TF: variants seen among roughly 807,000 people sequenced by gnomAD.
The protein encoded by TF is transferrin, also known as serotransferrin.
Under a neutral mutation model 82.4 loss-of-function variants are expected in TF, and 55 were observed. That is an observed-to-expected ratio of 0.67 (90% confidence interval 0.54 to 0.84). The LOEUF (loss-of-function observed/expected upper bound fraction) is 0.84. Among genes scored for constraint, TF ranks in the 40% least tolerant of loss-of-function variants. The probability of loss-of-function intolerance (pLI) is 0.00; values close to 1 mark genes in which losing one functional copy is unlikely to be tolerated. For missense variants in TF, 737 were observed against 868.4 expected (o/e 0.85, Z 1.90); for synonymous variants, 332 against 332.6 (o/e 1.00, Z 0.02).
At chr3:133,728,174 G>A in the TF span, among the ~76,000 whole-genome samples, 1 of 152,074 alleles carries the variant, frequency 6.6e-6, no homozygotes, top group African/African-American at 2.4e-5. Context: ...GGCGTTCTCT[G>A]TATTTCCTGA....
At chr3:133,679,703 C>G in the TF span, among the ~76,000 whole-genome samples, 1 of 151,166 alleles carries the variant, frequency 6.6e-6, no homozygotes, top group African/African-American at 2.4e-5. Context: ...AGCTTATTCA[C>G]CCATTCACTT....
At position 133,764,838 on chromosome 3, in the gene TF, G is replaced by A. The variant is rs60832366; in HGVS notation, c.1298-37G>A. On this transcript the variant is annotated intron_variant, in intron 10 of 16. Transcript: ENST00000402696. ...GCATGGTTTCCCAATCTATAAATCAGGGTTTAATGCCTTTTTCATTTTCTT... is the reference window on the plus strand; with the variant it reads ...GCATGGTTTCCCAATCTATAAATCAAGGTTTAATGCCTTTTTCATTTTCTT... 1.1e-3 allele frequency: 1,788 copies of A among 1,605,046 alleles called. 19 individuals carry two copies. In the African/African-American group the frequency reaches 0.019, roughly 17 times the overall value.
At chr3:133,674,297 A>G in the TF span, among the ~76,000 whole-genome samples, 2 of 152,180 alleles carry the variant, frequency 1.3e-5, no homozygotes, top group Non-Finnish European at 2.9e-5. Flanking sequence ...TCTGGGTTGT[A>G]AAGCGGCCAG....
the TF span, among the ~76,000 whole-genome samples, chr3:133,664,058 C>T: frequency 1.4e-4 from 22 of 152,236 alleles, 1 homozygote; most frequent in South Asian, 4.4e-3. Context: ...CCAGCAGCAT[C>T]GGCATCTCCT....
chr3:133,784,471 A>AAAAAAAAT lies in TF; in HGVS notation c.*5853_*5854insAAAAATAA, dbSNP rs763086171. 1.3e-4 allele frequency: 14 copies of AAAAAAAAT among 105,592 alleles called. No individual in the cohort carries two copies. Among genetic ancestry groups the AAAAAAAAT allele is most frequent in the African/African-American group, 3.0e-4 (8 of 26,604 alleles). The allele number at this position is 105,592 out of a possible 1,614,324, so 6.5% of individuals were successfully genotyped here. Reference sequence around the variant, plus strand: ...TCTTGTAAATTCCCATTTGTTAAAAAAATAATAATAATAATAATAATAATA... The same window carrying AAAAAAAAT: ...TCTTGTAAATTCCCATTTGTTAAAAAAAAAAAATAATAATAATAATAATAATAATAATA... On this transcript the variant is annotated 3_prime_UTR_variant, in exon 17 of 17. Coordinates refer to ENST00000402696, the MANE Select transcript of TF (RefSeq NM_001063.4).
At position 133,771,743 on chromosome 3, in the gene TF, C is replaced by CAAAAAAAAAAAA. The variant is rs71136494; in HGVS notation, c.1687+1183_1687+1194dup. 1.1e-4 allele frequency among the ~76,000 whole-genome samples: 6 copies of CAAAAAAAAAAAA among 56,542 alleles called. 1 individual carries two copies. Among genetic ancestry groups the CAAAAAAAAAAAA allele is most frequent in the African/African-American group, 5.0e-4 (5 of 9,968 alleles). The allele number at this position is 56,542 out of a possible 152,430, so 37.1% of individuals were successfully genotyped here. ...TGGGCGACAGAGCGAGACTCCGTCTCAAAAAAAAAAAAAAAAAAAAAAAGA... is the reference window on the plus strand; with the variant it reads ...TGGGCGACAGAGCGAGACTCCGTCTCAAAAAAAAAAAAAAAAAAAAAAAAAAAAAAAAAAAGA... On this transcript the variant is annotated intron_variant, in intron 14 of 16. Coordinates refer to ENST00000402696, the MANE Select transcript of TF (RefSeq NM_001063.4).
At chr3:133,732,523 G>C in the TF span, among the ~76,000 whole-genome samples, 3 of 152,216 alleles carry the variant, frequency 2.0e-5, no homozygotes, top group African/African-American at 7.2e-5. Context: ...ACCCACTCCG[G>C]TTCCTTTTCA....
chr3:133,764,190 A>G lies in TF; in HGVS notation c.1212A>G (p.Glu404=). Residue 404 remains glutamate (E), a synonymous_variant, in exon 10 of 17, where the codon GAA becomes GAG. Coordinates refer to ENST00000402696, the MANE Select transcript of TF (RefSeq NM_001063.4). ...TTGCTGTGTCTTTGCAGAATGGAGA[A>G]GCTGATGCCATGAGCTTGGATGGAG... ...EDCIAKIMNG[E]ADAMSLDGGF... The G allele has an allele frequency of 6.2e-7, 1 of 1,613,870 alleles. No homozygotes were observed. The highest frequency in any genetic ancestry group is 8.5e-7 in the Non-Finnish European group (1 of 1,179,778).
At chr3:133,751,968 T>C (rs1933685229) in intron 2 of TF, among the ~76,000 whole-genome samples, 1 of 152,196 alleles carries the variant, frequency 6.6e-6, no homozygotes, top group African/African-American at 2.4e-5. Context: ...CACTCAAGCC[T>C]GAGGGACAAG....
chr3:133,699,666 G>A, the TF span: 1 of 481,598 alleles, frequency 2.1e-6, no homozygotes, highest in Non-Finnish European at 4.2e-6. Context: ...AGTGCTCCCT[G>A]CTTGGATTTG....
chr3:133,724,345 A>C, the TF span, among the ~76,000 whole-genome samples: 1 of 152,200 alleles, frequency 6.6e-6, no homozygotes, highest in Non-Finnish European at 1.5e-5. Context: ...AATGATCACC[A>C]TTCTAACTGG....
the TF span, among the ~76,000 whole-genome samples, chr3:133,721,776 G>A: frequency 7.2e-5 from 11 of 152,266 alleles, no homozygotes; most frequent in East Asian, 1.9e-3. Context: ...ACTATTGGAT[G>A]CATATCTACT....
rs1934653540 is a variant in TF at position 133,785,514 on chromosome 3, GC to G, written c.*6897del. 1 of 94,778 alleles carries G rather than the reference GC, an allele frequency of 1.1e-5. No homozygotes were observed. Among genetic ancestry groups the G allele is most frequent in the Admixed American group, 9.2e-5 (1 of 10,878 alleles). The allele number at this position is 94,778 out of a possible 1,614,324, so 5.9% of individuals were successfully genotyped here. Reference sequence around the variant, plus strand: ...GGAGGTGGGGGGGGTCAGCCCCCCTGCCCGGCCAGTGGCCCCGTCCGGGAGG... The same window carrying G: ...GGAGGTGGGGGGGGTCAGCCCCCCTGCCGGCCAGTGGCCCCGTCCGGGAGG... On this transcript the variant is annotated 3_prime_UTR_variant, in exon 17 of 17. Transcript: ENST00000402696.
chr3:133,696,728 A>AGCACATCT, the TF span, among the ~76,000 whole-genome samples: 1 of 152,178 alleles, frequency 6.6e-6, no homozygotes, highest in African/African-American at 2.4e-5. Flanking sequence ...AGAACTTATT[A>AGCACATCT]GCACATCTGC....
Position 133,793,423 on chromosome 3 carries a change from G to A in TF, c.*14803G>A, listed in dbSNP as rs1934894449. 6.6e-6 allele frequency: 1 copy of A among 151,850 alleles called. No individual in the cohort carries two copies. Among genetic ancestry groups the A allele is most frequent in the Non-Finnish European group, 1.5e-5 (1 of 67,928 alleles). 9.4% of individuals were successfully genotyped at this position (151,850 alleles called of 1,614,324 possible). A position where few individuals can be genotyped will look rare whatever the true frequency, so the allele number is the denominator to read the frequency against. On this transcript the variant is annotated 3_prime_UTR_variant, in exon 17 of 17. Transcript: ENST00000402696. ...CCTCTAACTTTGAGATGCTGCAGAG[G>A]GCCCCTGAAGCATCCAAAAGAGAGG...
the TF span, among the ~76,000 whole-genome samples, chr3:133,739,298 A>G: frequency 6.6e-6 from 1 of 152,090 alleles, no homozygotes; most frequent in Non-Finnish European, 1.5e-5. Flanking sequence ...TCCTTACACC[A>G]TATACAAAAA....
At chr3:133,732,661 C>A in the TF span, among the ~76,000 whole-genome samples, 1 of 152,166 alleles carries the variant, frequency 6.6e-6, no homozygotes, top group South Asian at 2.1e-4. Flanking sequence ...CTGAAGTCAG[C>A]AAGACCACCA....
At chr3:133,683,527 CAA>C in the TF span, among the ~76,000 whole-genome samples, 1 of 150,276 alleles carries the variant, frequency 6.7e-6, no homozygotes, top group African/African-American at 2.4e-5. Flanking sequence ...AAATGGGAAA[CAA>C]AAAAAAAGCA....
the TF span, among the ~76,000 whole-genome samples, chr3:133,720,111 T>C: frequency 6.6e-6 from 1 of 152,104 alleles, no homozygotes; most frequent in Non-Finnish European, 1.5e-5. Context: ...TCCTAACTGT[T>C]GTTACTAGTA....
Sources: allele counts gnomAD v4.1 joint callset (sites outside exome capture counted in the v4.1 genomes callset), GRCh38; gene constraint gnomAD v4.1.1; transcripts MANE v1.5; gene names NCBI Gene and HGNC (gene_info 2026-07-23, HGNC 2026-07-21).